TCF7L2: variants seen among roughly 807,000 people sequenced by gnomAD.
The protein encoded by TCF7L2 is transcription factor 7-like 2.
Under a neutral mutation model 77.9 loss-of-function variants are expected in TCF7L2, and 23 were observed. The ratio of observed to expected loss-of-function variants is 0.30; its 90% confidence interval spans 0.21 to 0.42. TCF7L2 has a LOEUF of 0.42. TCF7L2 is among the 10% of genes least tolerant of loss of function. TCF7L2 has a pLI of 1.00. For missense variants in TCF7L2, 654 were observed against 793.1 expected, an observed-to-expected ratio of 0.82 and a Z score of 2.11; for synonymous variants, 413 against 340.2, an observed-to-expected ratio of 1.21 and a Z score of -2.36.
At chr10:113,000,062 T>C (rs1194832155) in intron 4 of TCF7L2, among the ~76,000 whole-genome samples, 1 of 152,214 alleles carries the variant, frequency 6.6e-6, no homozygotes, top group Non-Finnish European at 1.5e-5. Flanking sequence ...TCTTGGAGAA[T>C]GAAGATGTTC....
intron 4 of TCF7L2, among the ~76,000 whole-genome samples, chr10:113,021,404 C>T (rs2133871994): frequency 6.6e-6 from 1 of 152,292 alleles, no homozygotes; most frequent in African/African-American, 2.4e-5. Context: ...TGTTGGATAA[C>T]AGCAACAAAA....
intron 3 of TCF7L2, among the ~76,000 whole-genome samples, chr10:112,953,252 C>A (rs894253673): frequency 4.6e-5 from 7 of 151,996 alleles, no homozygotes; most frequent in African/African-American, 1.7e-4. Flanking sequence ...ATAATTATTC[C>A]CCCCCTGCCC....
chr10:113,162,105 T>G (rs1354814415), intron 13 of TCF7L2, among the ~76,000 whole-genome samples: 1 of 152,216 alleles, frequency 6.6e-6, no homozygotes, highest in Non-Finnish European at 1.5e-5. Flanking sequence ...TGTTAAGCAG[T>G]GAATTTGTCA....
At chr10:113,160,141 G>A in intron 12 of TCF7L2, 149 bp downstream of exon 14, 4 of 693,140 alleles carry the variant, frequency 5.8e-6, no homozygotes, top group Non-Finnish European at 9.7e-6. Flanking sequence ...TGGGTTCTAT[G>A]AGGGATGTGC....
At chr10:113,030,216 G>T (rs568012458) in intron 4 of TCF7L2, among the ~76,000 whole-genome samples, 2 of 152,204 alleles carry the variant, frequency 1.3e-5, no homozygotes, top group East Asian at 1.9e-4. Context: ...TATTTTCAAG[G>T]GCTACCATGT....
At chr10:113,006,145 GAACT>G (rs2045508932) in intron 4 of TCF7L2, among the ~76,000 whole-genome samples, 1 of 152,132 alleles carries the variant, frequency 6.6e-6, no homozygotes, top group Non-Finnish European at 1.5e-5. Flanking sequence ...AAATAAAATG[GAACT>G]TGGGAGAGGC....
In TCF7L2 at chr10:113,165,750, G is replaced by C. The variant is rs1352007739; in HGVS notation, c.1587G>C (p.Leu529=). 2 of 1,610,320 alleles carry C rather than the reference G, an allele frequency of 1.2e-6. No homozygotes were observed. The highest frequency in any genetic ancestry group is 1.7e-6 in the Non-Finnish European group (2 of 1,178,764). ...TGAAGCCCGACCCCCTGGCCCACCT[G>C]TCCATGATGCCTCCGCCACCCGCCC... is the stretch of plus-strand genomic sequence containing the variant. Residue 529 remains leucine (L), a synonymous_variant, in exon 14 of 14, where the codon CTG becomes CTC. Transcript: ENST00000627217.
intron 4 of TCF7L2, among the ~76,000 whole-genome samples, chr10:112,982,383 C>T (rs1003682994): frequency 6.6e-6 from 1 of 152,160 alleles, no homozygotes; most frequent in Admixed American, 6.5e-5. Context: ...GGGCCTAGTC[C>T]AGTACCTGGC....
In TCF7L2 at chr10:113,048,768, G is replaced by A. The variant is rs147917469; in HGVS notation, c.552+8642G>A. On this transcript the variant is annotated intron_variant, in intron 5 of 13. Coordinates refer to ENST00000627217, the MANE Select transcript of TCF7L2 (RefSeq NM_001146274.2). ...CTATCTCTCCTCAATCTTGGTTTAC[G>A]ATGTCTGTTTCTGAGGAATCCTGGG... is the stretch of plus-strand genomic sequence containing the variant. Among the ~76,000 whole-genome samples the A allele has an allele frequency of 3.0e-3, 455 of 152,270 alleles. 5 individuals are homozygous for A. The highest frequency in any genetic ancestry group is 0.017 in the Middle Eastern group (5 of 294).
intron 4 of TCF7L2, among the ~76,000 whole-genome samples, chr10:112,971,427 GC>G (rs1276879196): frequency 6.6e-6 from 1 of 152,024 alleles, no homozygotes; most frequent in African/African-American, 2.4e-5. Flanking sequence ...CCGTGCCTCA[GC>G]CTTTTGAGTA....
At chr10:113,061,723 C>A (rs138261830) in intron 5 of TCF7L2, among the ~76,000 whole-genome samples, 1 of 152,262 alleles carries the variant, frequency 6.6e-6, no homozygotes, top group African/African-American at 2.4e-5. Context: ...GGTTATTGAT[C>A]CTCCCCTGGA....
At chr10:113,149,744 G>A (rs1169705961) in intron 8 of TCF7L2, among the ~76,000 whole-genome samples, 1 of 145,194 alleles carries the variant, frequency 6.9e-6, no homozygotes, top group Non-Finnish European at 1.6e-5. Context: ...TGGTACATTG[G>A]ACTGCTTTGG....
At chr10:112,970,940 T>C (rs1564728403) in intron 4 of TCF7L2, among the ~76,000 whole-genome samples, 1 of 152,182 alleles carries the variant, frequency 6.6e-6, no homozygotes, top group Non-Finnish European at 1.5e-5. Flanking sequence ...AATGAAGAAT[T>C]AGAGAGAGAT....
At chr10:113,006,031 G>A (rs554458242) in intron 4 of TCF7L2, among the ~76,000 whole-genome samples, 5 of 152,238 alleles carry the variant, frequency 3.3e-5, no homozygotes, top group South Asian at 2.1e-4. Context: ...AGAGAAAAAC[G>A]GCTCTGTTGG....
chr10:113,164,792 T>G (rs1366001993), intron 13 of TCF7L2, among the ~76,000 whole-genome samples: 1 of 152,062 alleles, frequency 6.6e-6, no homozygotes, highest in East Asian at 1.9e-4. Flanking sequence ...GTTTTTGTTT[T>G]AAGTTTATTT....
intron 3 of TCF7L2, 49 bp downstream of exon 3, chr10:112,951,656 C>T: frequency 1.9e-6 from 2 of 1,054,486 alleles, no homozygotes; most frequent in Non-Finnish European, 2.3e-6. Flanking sequence ...CCGCCCGCGC[C>T]GCCCGCCGGG....
chr10:113,028,327 G>A (rs1262329595), intron 4 of TCF7L2, among the ~76,000 whole-genome samples: 1 of 152,110 alleles, frequency 6.6e-6, no homozygotes, highest in African/African-American at 2.4e-5. Flanking sequence ...GGGGGGTCGT[G>A]GGGCCTCCAG....
In TCF7L2 at chr10:113,073,129, T is replaced by TGTGTGTGTGTGAGAGAGA. The variant is rs56927661; in HGVS notation, c.552+33004_552+33005insTGTGTGTGTGAGAGAGAG. On this transcript the variant is annotated intron_variant, in intron 5 of 13. Transcript: ENST00000627217. The stretch of plus-strand genomic sequence containing the variant: ...GTGTGTGTGTGTGTGTGTGTGTGTG[T>TGTGTGTGTGTGAGAGAGA]GAGAGAGAGAGAGAGAGAGAGACAG... Among the ~76,000 whole-genome samples the TGTGTGTGTGTGAGAGAGA allele has an allele frequency of 3.2e-4, 40 of 123,574 alleles. No individual in the cohort carries two copies. In the East Asian group the frequency reaches 6.8e-3, roughly 21 times the overall value. 81.1% of individuals were successfully genotyped at this position (123,574 alleles called of 152,430 possible).
intron 4 of TCF7L2, among the ~76,000 whole-genome samples, chr10:113,023,180 C>A (rs1198713660): frequency 6.6e-6 from 1 of 152,198 alleles, no homozygotes; most frequent in Admixed American, 6.5e-5. Context: ...TTTTTCCTCT[C>A]CACTTGAGGT....
Sources: allele counts gnomAD v4.1 joint callset (sites outside exome capture counted in the v4.1 genomes callset), GRCh38; gene constraint gnomAD v4.1.1; transcripts MANE v1.5; gene names NCBI Gene and HGNC (gene_info 2026-07-23, HGNC 2026-07-21).